Variants in SDK1 observed in about 807,000 individuals in gnomAD.
SDK1 encodes the protein sidekick cell adhesion molecule 1.
A neutral mutation model predicts 245.5 loss-of-function variants in SDK1; 157 were observed. The observed-to-expected ratio is 0.64, with a 90% CI of 0.56 to 0.73. The LOEUF is 0.73. Ranked by LOEUF, SDK1 falls within the 30% of genes least tolerant of loss-of-function variation. The probability of loss-of-function intolerance (pLI) is 0.00; values close to 1 mark genes in which losing one functional copy is unlikely to be tolerated. For synonymous variants in SDK1, 1,647 were observed against 1,278.5 expected (o/e 1.29, Z -6.15); for missense variants, 3,583 against 3,002.3 (o/e 1.19, Z -4.52).
At chr7:3,616,974 T>C (rs1781792039) in intron 1 of SDK1, among the ~76,000 whole-genome samples, 1 of 152,158 alleles carries the variant, frequency 6.6e-6, no homozygotes, top group Non-Finnish European at 1.5e-5. Context: ...TATATAGAAT[T>C]GGTAGATTCT....
intron 4 of SDK1, among the ~76,000 whole-genome samples, chr7:3,678,985 T>TTATAAAAATGTTCCAAA (rs1436045422): frequency 6.6e-6 from 1 of 152,182 alleles, no homozygotes; most frequent in Non-Finnish European, 1.5e-5. Context: ...ATGTAAAATG[T>TTATAAAAATGTTCCAAA]AAGGTTATAA....
rs1306529774 is a variant in SDK1 at position 4,079,518 on chromosome 7, C to T, written c.3258C>T (p.Ala1086=). 1.9e-6 allele frequency: 3 copies of T among 1,614,130 alleles called. No homozygotes were observed. Among genetic ancestry groups the T allele is most frequent in the Non-Finnish European group, 2.5e-6 (3 of 1,180,064 alleles). ...LVISNISPRS[A]TLQFRPGYDG... is the part of the protein sequence containing the mutation. ...TTTCCAACATCAGCCCTCGCTCCGC[C>T]ACCCTTCAGTTCCGGCCAGGCTATG... Residue 1086 remains alanine, a synonymous_variant, in exon 22 of 45, where the codon GCC becomes GCT. Transcript: ENST00000404826.
chr7:4,107,298 A>G (rs2128189450), intron 22 of SDK1, among the ~76,000 whole-genome samples: 1 of 152,176 alleles, frequency 6.6e-6, no homozygotes, highest in Middle Eastern at 3.4e-3. Flanking sequence ...ACATGCACAG[A>G]CCAGGCAAGG....
At chr7:3,634,264 C>G (rs1001848522) in intron 2 of SDK1, among the ~76,000 whole-genome samples, 3 of 152,118 alleles carry the variant, frequency 2.0e-5, no homozygotes, top group Non-Finnish European at 4.4e-5. Flanking sequence ...TGTCAGATGA[C>G]TAGTCCCAGC....
chr7:4,119,218 G>A (rs1783910627), intron 25 of SDK1, among the ~76,000 whole-genome samples: 1 of 148,446 alleles, frequency 6.7e-6, no homozygotes, highest in South Asian at 2.2e-4. Flanking sequence ...GAGAGGCAGA[G>A]GCAGGAGGAT....
intron 4 of SDK1, among the ~76,000 whole-genome samples, chr7:3,659,793 G>A (rs1342699326): frequency 6.6e-6 from 1 of 152,230 alleles, no homozygotes; most frequent in Non-Finnish European, 1.5e-5. Flanking sequence ...AGGGGGACTG[G>A]CAGCCCAGAT....
chr7:3,908,244 C>G (rs528735204), intron 5 of SDK1, among the ~76,000 whole-genome samples: 1 of 152,266 alleles, frequency 6.6e-6, no homozygotes, highest in South Asian at 2.1e-4. Flanking sequence ...GCGCGTTGGG[C>G]TGCAAACAGT....
intron 1 of SDK1, among the ~76,000 whole-genome samples, chr7:3,531,996 A>G (rs902883551): frequency 3.9e-5 from 6 of 152,248 alleles, no homozygotes; most frequent in Non-Finnish European, 2.9e-5. Flanking sequence ...GTAACTGATC[A>G]TAAATTAGTT....
At chr7:4,030,888 G>C (rs939912800) in intron 17 of SDK1, among the ~76,000 whole-genome samples, 1 of 152,152 alleles carries the variant, frequency 6.6e-6, no homozygotes, top group East Asian at 1.9e-4. Flanking sequence ...TTACACAGAA[G>C]TGTAAATGTC....
At chr7:4,156,903 A>C (rs1325348577) in intron 30 of SDK1, among the ~76,000 whole-genome samples, 2 of 152,088 alleles carry the variant, frequency 1.3e-5, no homozygotes, top group East Asian at 3.9e-4. Context: ...TTCGGTTTAG[A>C]GTGATAGTTG....
chr7:3,997,126 GT>G (rs1238836581), intron 14 of SDK1, among the ~76,000 whole-genome samples: 1 of 152,130 alleles, frequency 6.6e-6, no homozygotes, highest in African/African-American at 2.4e-5. Flanking sequence ...CATAGATTAG[GT>G]TTTCTTGTTT....
chr7:3,649,483 T>G (rs1479070218), intron 4 of SDK1, among the ~76,000 whole-genome samples: 2 of 151,960 alleles, frequency 1.3e-5, no homozygotes, highest in Admixed American at 1.3e-4. Flanking sequence ...GATGACCTGC[T>G]CTAGAATTTC....
At chr7:3,751,965 G>A (rs1179081365) in intron 4 of SDK1, among the ~76,000 whole-genome samples, 3 of 152,326 alleles carry the variant, frequency 2.0e-5, no homozygotes, top group Middle Eastern at 3.4e-3. Context: ...GTGTTTCATG[G>A]GAGGTGTATT....
At chr7:3,761,260 C>CTTTTTTT (rs71029692) in intron 4 of SDK1, among the ~76,000 whole-genome samples, 30 of 93,714 alleles carry the variant, frequency 3.2e-4, no homozygotes, top group South Asian at 8.6e-4. Context: ...GCCCCCCCTC[C>CTTTTTTT]TTTTTTTTTT....
Position 3,417,046 on chromosome 7 carries a change from C to T in SDK1, c.298+115162C>T, listed in dbSNP as rs56945505. On this transcript the variant is annotated intron_variant, in intron 1 of 44. Coordinates refer to ENST00000404826, the MANE Select transcript of SDK1 (RefSeq NM_152744.4). ...AAAATTAGCTGGGCATGATGGCATG[C>T]GACTGTAATCCTAGCTACCGGGAAG... 9.2e-3 allele frequency among the ~76,000 whole-genome samples: 1,393 copies of T among 152,078 alleles called. 26 individuals carry two copies. The highest frequency in any genetic ancestry group is 0.032 in the African/African-American group (1,312 of 41,472).
Position 3,309,524 on chromosome 7 carries a change from ATTTTTTT to A in SDK1, c.298+7652_298+7658del, listed in dbSNP as rs59762021. Among the ~76,000 whole-genome samples, 10 of 127,344 alleles carry A rather than the reference ATTTTTTT, an allele frequency of 7.9e-5. No individual in the cohort carries two copies. In the East Asian group the frequency reaches 1.8e-3, roughly 23 times the overall value. 83.5% of individuals were successfully genotyped at this position (127,344 alleles called of 152,430 possible). ...AGTGGCAGAGTGTCACTAGAAAAAG[ATTTTTTT>A]TTTTTTTTTTTACATGAGTGTATAA... On this transcript the variant is annotated intron_variant, in intron 1 of 44. Coordinates refer to ENST00000404826, the MANE Select transcript of SDK1 (RefSeq NM_152744.4).
At chr7:3,621,892 C>A (rs1024202958) in intron 2 of SDK1, among the ~76,000 whole-genome samples, 3 of 152,168 alleles carry the variant, frequency 2.0e-5, no homozygotes, top group East Asian at 3.9e-4. Context: ...TTCAACTTAA[C>A]AATTTTTTGA....
chr7:4,123,374 A>C (rs1357197872), intron 25 of SDK1, among the ~76,000 whole-genome samples: 2 of 152,042 alleles, frequency 1.3e-5, no homozygotes, highest in Admixed American at 1.3e-4. Context: ...AGTTGATTCA[A>C]GGTCCCAGTT....
intron 25 of SDK1, among the ~76,000 whole-genome samples, chr7:4,122,315 G>T (rs1030847042): frequency 6.6e-6 from 1 of 152,124 alleles, no homozygotes; most frequent in Non-Finnish European, 1.5e-5. Flanking sequence ...TTTTGAAATG[G>T]GGGGAGGCAG....
Sources: gnomAD v4.1 joint callset for allele counts (sites outside exome capture counted in the v4.1 genomes callset) on GRCh38, gnomAD v4.1.1 for gene constraint, MANE v1.5 for transcripts, NCBI Gene and HGNC (gene_info 2026-07-23, HGNC 2026-07-21) for gene names.